The following PARL variants were observed in gnomAD, a reference collection of about 807,000 sequenced individuals.
PARL encodes the protein presenilin-associated rhomboid-like protein, mitochondrial.
Under a neutral mutation model 51.6 loss-of-function variants are expected in PARL, and 44 were observed. The ratio of observed to expected loss-of-function variants is 0.85; its 90% CI spans 0.67 to 1.10. The LOEUF is 1.10. Among genes scored for constraint, PARL ranks in the 50% least tolerant of loss-of-function variants. The pLI is 0.00. For missense variants in PARL, 441 were observed against 469.5 expected (o/e 0.94, Z 0.56); for synonymous variants, 172 against 164.0 (o/e 1.05, Z -0.37).
chr3:183,875,262 AG>A (rs1462887452), intron 1 of PARL, among the ~76,000 whole-genome samples: 1 of 151,972 alleles, frequency 6.6e-6, no homozygotes, highest in Non-Finnish European at 1.5e-5. Context: ...TAAAAATACA[AG>A]AATTACCTGG....
In PARL at chr3:183,871,289, G is replaced by A. The variant is rs146874674; in HGVS notation, c.126-3229C>T. ...CAAGGTGGTACTATACTCAAAGTAA[G>A]GTGGTACTATATTCAAAGTAAGGTG... On this transcript the variant is annotated intron_variant, in intron 1 of 9. Transcript: ENST00000317096. 6.9e-4 allele frequency among the ~76,000 whole-genome samples: 105 copies of A among 152,118 alleles called. No homozygotes were observed. In the South Asian group the frequency reaches 8.3e-3, roughly 12 times the overall value.
In PARL at chr3:183,834,405, C is replaced by A. The variant is rs1243875620; in HGVS notation, c.829-580G>T. On this transcript the variant is annotated intron_variant, in intron 7 of 9. Transcript: ENST00000317096. The stretch of plus-strand genomic sequence containing the variant: ...CTCCTGCCTGGGCAACAGAGTAAGA[C>A]CCTGTCTCAAAAATAATAAAGGAAT... 3.9e-5 allele frequency among the ~76,000 whole-genome samples: 6 copies of A among 152,274 alleles called. No individual in the cohort carries two copies. The East Asian group carries it at 5.8e-4, about 15-fold the overall frequency.
At chr3:183,879,879 A>ATTTTTTTTTTTTTTTT in intron 1 of PARL, 1 of 131,310 alleles carries the variant, frequency 7.6e-6, no homozygotes. Context: ...ACCAGGACTG[A>ATTTTTTTTTTTTTTTT]TTTTTTTTTT....
rs574310719 is a variant in PARL, at chr3:183,853,010, C to T, written c.512-8684G>A. ...ATGGATTAAAGACCTAAATGTTAGA[C>T]CCTCAACTATAAAACTCCTAGAAGA... On this transcript the variant is annotated intron_variant, in intron 4 of 9. Transcript: ENST00000317096. 1.6e-3 allele frequency among the ~76,000 whole-genome samples: 241 copies of T among 152,154 alleles called. 2 individuals carry two copies. Among genetic ancestry groups the T allele is most frequent in the African/African-American group, 5.7e-3 (237 of 41,520 alleles).
chr3:183,879,231 T>C (rs1347704995), intron 1 of PARL, among the ~76,000 whole-genome samples: 1 of 152,218 alleles, frequency 6.6e-6, no homozygotes, highest in African/African-American at 2.4e-5. Flanking sequence ...ACGATTGGCT[T>C]AAGCCAAATT....
Position 183,862,803 on chromosome 3 carries a change from T to C in PARL, c.463-2A>G, listed in dbSNP as rs753365025. ...TAGGTTATTCCACCACTTGTTAATC[T>C]AAAACAGACAGAAAATTGCATCACC... On this transcript the variant is annotated splice_acceptor_variant, in intron 3 of 9. Coordinates refer to ENST00000317096, the MANE Select transcript of PARL (RefSeq NM_018622.7). LOFTEE classifies it high-confidence loss of function. 6.2e-7 allele frequency: 1 copy of C among 1,612,442 alleles called. No homozygotes were observed. The highest frequency in any genetic ancestry group is 8.5e-7 in the Non-Finnish European group (1 of 1,178,472).
chr3:183,834,595 G>A (rs1397375047), intron 7 of PARL, among the ~76,000 whole-genome samples: 1 of 152,150 alleles, frequency 6.6e-6, no homozygotes, highest in Non-Finnish European at 1.5e-5. Context: ...GCAGGAAGGA[G>A]TGACCACTAG....
chr3:183,868,168 C>T (rs1732758200), intron 1 of PARL, 108 bp from the exon 2 acceptor site: 1 of 818,868 alleles, frequency 1.2e-6, no homozygotes, highest in South Asian at 1.4e-5. Flanking sequence ...TATTCTCACT[C>T]TACAGTCCAA....
In PARL at chr3:183,833,824, G is replaced by C. The variant is rs896967796; in HGVS notation, c.830C>G (p.Ser277Cys). 1.3e-5 allele frequency: 20 copies of C among 1,598,082 alleles called. No homozygotes were observed. The highest frequency in any genetic ancestry group is 1.7e-5 in the Non-Finnish European group (20 of 1,165,292). The change falls in exon 8 of 10, where the codon TCT (serine) becomes TGT (cysteine). Residue 277 changes from serine (S) to cysteine (C), a missense_variant and splice_region_variant. By Grantham distance (112) the Ser-to-Cys change is moderately radical. Coordinates refer to ENST00000317096, the MANE Select transcript of PARL (RefSeq NM_018622.7). The part of the protein sequence containing the change: ...TGRYGPSLGA[S>C]GAIMTVLAAV... Reference sequence around the variant, plus strand: ...TGCGAGGACTGTCATGATGGCACCAGACTGCAAAGTAACACAGCAGGGAGA... The same window carrying C: ...TGCGAGGACTGTCATGATGGCACCACACTGCAAAGTAACACAGCAGGGAGA...
chr3:183,840,550 T>C lies in PARL; in HGVS notation c.828+20A>G. ...AATTTAAAAATTAAATTAAAAAAAA[T>C]TTACAATAGAAATACTTACTGCACC... On this transcript the variant is annotated intron_variant, in intron 7 of 9. Coordinates refer to ENST00000317096, the MANE Select transcript of PARL (RefSeq NM_018622.7). 1 of 1,217,868 alleles carries C rather than the reference T, an allele frequency of 8.2e-7. No homozygotes were observed. Among genetic ancestry groups the C allele is most frequent in the South Asian group, 1.4e-5 (1 of 71,934 alleles). 75.4% of individuals were successfully genotyped at this position (1,217,868 alleles called of 1,614,324 possible).
At chr3:183,880,505 G>A (rs530769745) in intron 1 of PARL, among the ~76,000 whole-genome samples, 1 of 152,068 alleles carries the variant, frequency 6.6e-6, no homozygotes, top group South Asian at 2.1e-4. Context: ...GGGTTCAGGC[G>A]ATTCTCCTTC....
intron 1 of PARL, chr3:183,883,577 T>TA (rs1218965034): frequency 5.2e-5 from 51 of 984,776 alleles, no homozygotes; most frequent in Non-Finnish European, 6.1e-5. Flanking sequence ...CGGCCAGTAT[T>TA]AATCTTTTCT....
At chr3:183,849,429 A>G (rs929339424) in intron 4 of PARL, among the ~76,000 whole-genome samples, 2 of 152,208 alleles carry the variant, frequency 1.3e-5, no homozygotes, top group Non-Finnish European at 2.9e-5. Context: ...TAAATAACCA[A>G]CGGTTCAAAG....
chr3:183,828,399 T>TG (rs1464379240), downstream of PARL, among the ~76,000 whole-genome samples: 5 of 152,336 alleles, frequency 3.3e-5, no homozygotes, highest in Non-Finnish European at 7.3e-5. Flanking sequence ...ATTGTGACCT[T>TG]GGGCAGTGCC....
At chr3:183,828,147 A>G (rs764271136), downstream of PARL, among the ~76,000 whole-genome samples, 16 of 152,252 alleles carry the variant, frequency 1.1e-4, no homozygotes, top group Admixed American at 2.0e-4. Context: ...CAGAGGCTCC[A>G]GCATTGAGGG....
chr3:183,867,429 A>G (rs963103424), intron 2 of PARL, among the ~76,000 whole-genome samples: 3 of 151,958 alleles, frequency 2.0e-5, no homozygotes, highest in Middle Eastern at 3.2e-3. Context: ...GGCCGGGCGC[A>G]GTGGCTCACT....
At chr3:183,845,383 A>T (rs1452119652) in intron 4 of PARL, among the ~76,000 whole-genome samples, 1 of 152,174 alleles carries the variant, frequency 6.6e-6, no homozygotes, top group Non-Finnish European at 1.5e-5. Context: ...CACAGATCTT[A>T]AGACATTTTT....
At chr3:183,884,564 G>T (rs1405765461) in intron 1 of PARL, among the ~76,000 whole-genome samples, 158 bp downstream of exon 1, 1 of 152,210 alleles carries the variant, frequency 6.6e-6, no homozygotes, top group African/African-American at 2.4e-5. Context: ...GAGAAGCGAG[G>T]ACTGGACGGA....
intron 4 of PARL, chr3:183,856,385 C>T (rs1427780891): frequency 6.6e-6 from 1 of 152,434 alleles, no homozygotes; most frequent in Admixed American, 6.5e-5. Flanking sequence ...CACTGACAAG[C>T]AAGTACATCC....
Sources: allele counts gnomAD v4.1 joint callset (sites outside exome capture counted in the v4.1 genomes callset), GRCh38; gene constraint gnomAD v4.1.1; transcripts MANE v1.5; gene names NCBI Gene and HGNC (gene_info 2026-07-23, HGNC 2026-07-21).